Variants in CEP170B observed in about 807,000 individuals in gnomAD.
CEP170B encodes centrosomal protein of 170 kDa protein B.
In CEP170B, 55 loss-of-function variants were observed where a neutral mutation model predicts 120.6. The observed-to-expected ratio is 0.46, with a 90% confidence interval of 0.37 to 0.57. The LOEUF is 0.57. Ranked by LOEUF, CEP170B falls within the 20% of genes least tolerant of loss-of-function variation. The pLI is 0.00. For synonymous variants in CEP170B, 1,033 were observed against 954.5 expected (o/e 1.08, Z -1.52); for missense variants, 2,212 against 2,253.3 (o/e 0.98, Z 0.37).
At chr14:104,882,652 C>T in intron 6 of CEP170B, 76 bp from the exon 7 acceptor site, 1 of 1,238,914 alleles carries the variant, frequency 8.1e-7, no homozygotes, top group South Asian at 1.4e-5. Context: ...TCCAGCCTCT[C>T]CTGGGCTGCC....
In CEP170B at chr14:104,868,590, G is replaced by T. The variant is rs1476214025; in HGVS notation, c.105+35G>T. The T allele has an allele frequency of 3.9e-6, 6 of 1,534,304 alleles. No homozygotes were observed. Among genetic ancestry groups the T allele is most frequent in the Non-Finnish European group, 5.3e-6 (6 of 1,136,926 alleles). ...GAGCGCTTGGGGCCAGGAGGGTAGG[G>T]GGTAGACAGTCTGTCCCTGTGGAGG... On this transcript the variant is annotated intron_variant, in intron 2 of 18. Transcript: ENST00000414716. The surrounding 1 kb of genome is among the most constrained non-coding windows in gnomAD (Gnocchi z 5.9).
Position 104,883,275 on chromosome 14 carries a change from T to A in CEP170B, c.818T>A (p.Phe273Tyr). 6.2e-7 allele frequency: 1 copy of A among 1,611,728 alleles called. No homozygotes were observed. Among genetic ancestry groups the A allele is most frequent in the Non-Finnish European group, 8.5e-7 (1 of 1,179,670 alleles). The change falls in exon 8 of 19, where the codon TTT becomes TAT. Residue 273 changes from phenylalanine (F) to tyrosine (Y), a missense_variant. Phe to Tyr is a conservative substitution (Grantham distance 22). Transcript: ENST00000414716. Reference sequence around the variant, plus strand: ...AGCCACGCCTCCTTCACCATCGAGTTTGATGACTGCAGCCCTGGCAAGATG... The same window carrying A: ...AGCCACGCCTCCTTCACCATCGAGTATGATGACTGCAGCCCTGGCAAGATG... Reference protein sequence around the residue: ...VQSHASFTIEFDDCSPGKMKI... With the variant: ...VQSHASFTIEYDDCSPGKMKI...
rs187693347 is a variant in CEP170B, at chr14:104,896,583, C to G, written c.*1625C>G. On this transcript the variant is annotated 3_prime_UTR_variant, in exon 19 of 19. Transcript: ENST00000414716. ...CCACACTGAGCTCCTTTGTTCCTCC[C>G]CCTCCAGCCTTTGCCTGGGAACTGG... 2.2e-6 allele frequency: 1 copy of G among 456,210 alleles called. No homozygotes were observed. The highest frequency in any genetic ancestry group is 1.5e-5 in the South Asian group (1 of 64,554). The allele number at this position is 456,210 out of a possible 1,614,324, so 28.3% of individuals were successfully genotyped here. A position where few individuals can be genotyped will look rare whatever the true frequency, so the allele number is the denominator to read the frequency against.
chr14:104,887,772 G>C lies in CEP170B; in HGVS notation c.3533G>C (p.Gly1178Ala). Residue 1178 changes from glycine (G) to alanine (A), a missense_variant, in exon 12 of 19, where the codon GGC (glycine) becomes GCC (alanine). Physicochemically the swap from Gly to Ala is moderately conservative, Grantham distance 60. Around this residue, in one of 2 missense-constraint regions of CEP170B, gnomAD observed 2,166 missense variants for 2,166.7 expected, o/e 1.00. Coordinates refer to ENST00000414716, the MANE Select transcript of CEP170B (RefSeq NM_001112726.3). ...DILAMPRKRA[G>A]SFTGTSDPEA... ...CTGGCCATGCCCCGGAAGCGGGCCG[G>C]CTCCTTCACAGGGACTAGTGACCCC... 6.3e-7 allele frequency: 1 copy of C among 1,581,186 alleles called. No individual in the cohort carries two copies. Among genetic ancestry groups the C allele is most frequent in the Non-Finnish European group, 8.6e-7 (1 of 1,165,230 alleles).
Position 104,894,998 on chromosome 14 carries a change from G to T in CEP170B, c.*40G>T. 6.8e-7 allele frequency: 1 copy of T among 1,480,852 alleles called. No individual in the cohort carries two copies. Among genetic ancestry groups the T allele is most frequent in the Non-Finnish European group, 9.0e-7 (1 of 1,110,480 alleles). The allele number at this position is 1,480,852 out of a possible 1,614,324, so 91.7% of individuals were successfully genotyped here. ...CAGGCCAGCCTCCCTGTGCGTGTGC[G>T]TCTCTGCCTTCCGTCCGCCGCACAC... On this transcript the variant is annotated 3_prime_UTR_variant, in exon 19 of 19. Coordinates refer to ENST00000414716, the MANE Select transcript of CEP170B (RefSeq NM_001112726.3).
At position 104,886,886 on chromosome 14, in the gene CEP170B, C is replaced by G; in HGVS notation, c.2647C>G (p.Pro883Ala). 1.2e-6 allele frequency: 2 copies of G among 1,610,038 alleles called. No individual in the cohort carries two copies. The highest frequency in any genetic ancestry group is 1.7e-6 in the Non-Finnish European group (2 of 1,179,762). ...PASGPPAPGKPPHISSHPLLQ... is the reference protein window; with the variant it reads ...PASGPPAPGKAPHISSHPLLQ... Reference sequence around the variant, plus strand: ...CAGTGGTCCCCCAGCGCCCGGCAAGCCCCCCCACATCTCCAGCCACCCGCT... The same window carrying G: ...CAGTGGTCCCCCAGCGCCCGGCAAGGCCCCCCACATCTCCAGCCACCCGCT... The change falls in exon 12 of 19, where the codon CCC (proline) becomes GCC (alanine). Residue 883 changes from proline to alanine, a missense_variant. Coordinates refer to ENST00000414716, the MANE Select transcript of CEP170B (RefSeq NM_001112726.3).
At position 104,889,687 on chromosome 14, in the gene CEP170B, G is replaced by C; in HGVS notation, c.3807G>C (p.Thr1269=). 6.2e-7 allele frequency: 1 copy of C among 1,612,162 alleles called. No individual in the cohort carries two copies. Among genetic ancestry groups the C allele is most frequent in the East Asian group, 2.2e-5 (1 of 44,810 alleles). ...ARSRAPGPRD[T]DDDEEEPDPY... ...CCCGGGCCCCCGGCCCCCGGGACAC[G>C]GACGACGATGAGGAGGAGCCTGACC... Residue 1269 remains threonine (T), a synonymous_variant, in exon 13 of 19, where the codon ACG becomes ACC. Transcript: ENST00000414716.
At chr14:104,893,464 G>A in intron 14 of CEP170B, 59 bp from the exon 15 acceptor site, 1 of 1,557,656 alleles carries the variant, frequency 6.4e-7, no homozygotes, top group Non-Finnish European at 8.7e-7. Flanking sequence ...GGGAGGTGCA[G>A]CCACAGCCTG....
intron 2 of CEP170B, among the ~76,000 whole-genome samples, chr14:104,872,494 G>C (rs1035855730): frequency 3.5e-5 from 2 of 56,800 alleles, no homozygotes; most frequent in Non-Finnish European, 1.5e-4. Context: ...TGTGCCGTGT[G>C]TGTGTGCGTG....
chr14:104,887,909 A>G lies in CEP170B; in HGVS notation c.3670A>G (p.Thr1224Ala). The G allele has an allele frequency of 6.4e-7, 1 of 1,552,890 alleles. No homozygotes were observed. The highest frequency in any genetic ancestry group is 1.2e-5 in the South Asian group (1 of 85,010). The stretch of plus-strand genomic sequence containing the variant: ...GGCTGTCTCCAGGAAGGCTGCCAAC[A>G]CAGCCACCACCACGGGTCCCCGCCA... ...ARAVSRKAANTATTTGPRQPF... is the reference protein window; with the variant it reads ...ARAVSRKAANAATTTGPRQPF... Residue 1224 changes from threonine (T) to alanine (A), a missense_variant, in exon 12 of 19, where the codon ACA becomes GCA. By Grantham distance (58) the Thr-to-Ala change is moderately conservative. Transcript: ENST00000414716.
At chr14:104,885,236 T>A (rs879418852) in intron 9 of CEP170B, 133 bp from the exon 10 acceptor site, 141 of 955,274 alleles carry the variant, frequency 1.5e-4, no homozygotes, top group Non-Finnish European at 1.9e-4. Flanking sequence ...CCAGGCTGCA[T>A]GTCCCGGCCA....
At chr14:104,885,292 G>C in intron 9 of CEP170B, 77 bp from the exon 10 acceptor site, 1 of 1,436,610 alleles carries the variant, frequency 7.0e-7, no homozygotes, top group Non-Finnish European at 9.2e-7. Context: ...TGTGGCCTGG[G>C]GGTGGCCAGT....
In CEP170B at chr14:104,865,444, A is replaced by C. The variant is rs1488583424; in HGVS notation, c.-97A>C. ...GGACCGAGCCGGGCCGAGCTGGGGA[A>C]CAAGCCGGGGACCAAGCCGGGGACC... On this transcript the variant is annotated 5_prime_UTR_variant, in exon 1 of 19. Coordinates refer to ENST00000414716, the MANE Select transcript of CEP170B (RefSeq NM_001112726.3). This position sits in a 1 kb window ranked among gnomAD's most constrained non-coding sequence, Gnocchi z 6.7. 4 of 149,822 alleles carry C rather than the reference A, an allele frequency of 2.7e-5. No homozygotes were observed. The highest frequency in any genetic ancestry group is 2.1e-4 in the South Asian group (1 of 4,810). The allele number at this position is 149,822 out of a possible 1,614,324, so 9.3% of individuals were successfully genotyped here.
chr14:104,892,954 C>T, intron 13 of CEP170B, 22 bp from the exon 14 acceptor site: 1 of 1,553,340 alleles, frequency 6.4e-7, no homozygotes, highest in Non-Finnish European at 8.7e-7. Flanking sequence ...GCAGAACCTG[C>T]CGTCTTTCCT....
chr14:104,886,572 C>G lies in CEP170B; in HGVS notation c.2333C>G (p.Thr778Arg). 1 of 1,511,900 alleles carries G rather than the reference C, an allele frequency of 6.6e-7. No individual in the cohort carries two copies. 93.7% of individuals were successfully genotyped at this position (1,511,900 alleles called of 1,614,324 possible). Residue 778 changes from threonine to arginine, a missense_variant, in exon 12 of 19, where the codon ACG becomes AGG. Coordinates refer to ENST00000414716, the MANE Select transcript of CEP170B (RefSeq NM_001112726.3). ...SRRRSPQEGP[T>R]WSRGRRSPRA... ...CGCAGGAGCCCCCAGGAGGGGCCCA[C>G]GTGGAGCAGGGGTCGGCGCTCACCA...
In CEP170B at chr14:104,893,099, C is replaced by T. The variant is rs1454670250; in HGVS notation, c.4002C>T (p.Pro1334=). 1 of 1,608,362 alleles carries T rather than the reference C, an allele frequency of 6.2e-7. No individual in the cohort carries two copies. The highest frequency in any genetic ancestry group is 1.7e-5 in the Admixed American group (1 of 59,700). The change falls in exon 14 of 19, where the codon CCC becomes CCT. Residue 1334 remains proline, a synonymous_variant. Transcript: ENST00000414716. ...PAHSASLSNM[P]STPASTISAR... is the part of the protein sequence containing the mutation. ...ACAGCGCCTCCCTCAGCAACATGCCCAGCACCCCCGCCTCGACCATCTCTG... is the reference window on the plus strand; with the variant it reads ...ACAGCGCCTCCCTCAGCAACATGCCTAGCACCCCCGCCTCGACCATCTCTG...
chr14:104,893,251 G>A, intron 14 of CEP170B, 116 bp downstream of exon 14: 2 of 1,273,478 alleles, frequency 1.6e-6, no homozygotes, highest in Non-Finnish European at 2.1e-6. Context: ...ATCCCCACTT[G>A]GCGAGCTGGA....
intron 6 of CEP170B, 66 bp from the exon 7 acceptor site, chr14:104,882,662 C>T: frequency 4.5e-6 from 6 of 1,334,234 alleles, no homozygotes; most frequent in Non-Finnish European, 5.2e-6. Flanking sequence ...CCTGGGCTGC[C>T]AGTTCTCTGC....
intron 5 of CEP170B, 144 bp downstream of exon 5, chr14:104,878,645 G>T (rs1266821226): frequency 2.5e-6 from 2 of 813,812 alleles, no homozygotes; most frequent in Non-Finnish European, 3.9e-6. Context: ...CATGAGTCAG[G>T]CCAGCCTGTC....
Sources: allele counts gnomAD v4.1 joint callset (sites outside exome capture counted in the v4.1 genomes callset), GRCh38; gene constraint gnomAD v4.1.1; regional missense constraint gnomAD v4.1.1; non-coding constraint Gnocchi (gnomAD v3.1); transcripts MANE v1.5; gene names NCBI Gene and HGNC (gene_info 2026-07-23, HGNC 2026-07-21).